Variants in TJAP1 observed in about 807,000 individuals in gnomAD.
TJAP1 encodes tight junction-associated protein 1.
TJAP1 carries 27 observed loss-of-function variants against 42.0 expected under a neutral mutation model. The ratio of observed to expected loss-of-function variants is 0.64; its 90% CI spans 0.47 to 0.89. TJAP1 has a LOEUF of 0.89. Among genes scored for constraint, TJAP1 ranks in the 40% least tolerant of loss-of-function variants. The pLI is 0.00. For missense variants in TJAP1, 712 were observed against 726.9 expected, an observed-to-expected ratio of 0.98 and a Z score of 0.24; for synonymous variants, 257 against 288.4, an observed-to-expected ratio of 0.89 and a Z score of 1.10.
In TJAP1 at chr6:43,491,003, T is replaced by C. The variant is rs1002206703; in HGVS notation, c.-121-6878T>C. Among the ~76,000 whole-genome samples the C allele has an allele frequency of 6.6e-6, 1 of 152,158 alleles. No individual in the cohort carries two copies. The highest frequency in any genetic ancestry group is 1.5e-5 in the Non-Finnish European group (1 of 68,024). ...GGTGTTCCACACAGGTCACTCTAGATAGACTGTGGCTTCGGCTTCCGGAGG... is the reference window on the plus strand; with the variant it reads ...GGTGTTCCACACAGGTCACTCTAGACAGACTGTGGCTTCGGCTTCCGGAGG... On this transcript the variant is annotated intron_variant, in intron 2 of 10. Coordinates refer to ENST00000372449, the Ensembl canonical transcript of TJAP1. This position sits in a 1 kb window ranked among gnomAD's most constrained non-coding sequence, Gnocchi z 4.6.
exon 11 of TJAP1, chr6:43,506,154 C>T: frequency 3.2e-6 from 1 of 311,124 alleles, no homozygotes; most frequent in Non-Finnish European, 5.9e-6. Context: ...CCAGACTGGG[C>T]TTTTCTGGGG....
chr6:43,489,986 C>G lies in TJAP1; in HGVS notation c.-121-7895C>G, dbSNP rs560676757. Among the ~76,000 whole-genome samples the G allele has an allele frequency of 5.3e-5, 8 of 152,350 alleles. No individual in the cohort carries two copies. In the East Asian group the frequency reaches 1.5e-3, roughly 29 times the overall value. ...TGCCATGAGTCTGTCGCTAACTGCA[C>G]TAACCAGGAGAGCTGGCTGGTTGGG... On this transcript the variant is annotated intron_variant, in intron 2 of 10. Transcript: ENST00000372449.
intron 6 of TJAP1, 71 bp downstream of exon 6, chr6:43,501,758 A>ACACTCTCT (rs1423256237): frequency 8.1e-6 from 4 of 493,640 alleles, no homozygotes; most frequent in Non-Finnish European, 1.4e-5. Context: ...ACACACACAC[A>ACACTCTCT]CTCTCTCTGT....
chr6:43,489,595 T>G lies in TJAP1; in HGVS notation c.-121-8286T>G, dbSNP rs141822240. 6.2e-3 allele frequency: 947 copies of G among 152,394 alleles called. 5 individuals carry two copies. The highest frequency in any genetic ancestry group is 0.011 in the Non-Finnish European group (726 of 68,158). The allele number at this position is 152,394 out of a possible 1,614,324, so 9.4% of individuals were successfully genotyped here. A position where few individuals can be genotyped will look rare whatever the true frequency, so the allele number is the denominator to read the frequency against. On this transcript the variant is annotated intron_variant, in intron 2 of 10. Transcript: ENST00000372449. Reference sequence around the variant, plus strand: ...TGTTCTTACAGCCTAGCTTTCAGAGTCCTGGTGCAGCCTGGCAGCAGTGTT... The same window carrying G: ...TGTTCTTACAGCCTAGCTTTCAGAGGCCTGGTGCAGCCTGGCAGCAGTGTT...
In TJAP1 at chr6:43,495,297, T is replaced by C. The variant is rs1427088421; in HGVS notation, c.-121-2584T>C. 6.6e-6 allele frequency among the ~76,000 whole-genome samples: 1 copy of C among 152,248 alleles called. No individual in the cohort carries two copies. The highest frequency in any genetic ancestry group is 2.4e-5 in the African/African-American group (1 of 41,472). ...GTCCTCCTTGGGTCTGTCCGGACTT[T>C]CCCTGCACACCTTCCTTGCCTCCAG... On this transcript the variant is annotated intron_variant, in intron 2 of 10. Coordinates refer to ENST00000372449, the Ensembl canonical transcript of TJAP1. This position sits in a 1 kb window ranked among gnomAD's most constrained non-coding sequence, Gnocchi z 4.6.
chr6:43,502,076 A>ACACACACTCTCT lies in TJAP1; in HGVS notation c.291-206_291-205insACACACTCTCTC, dbSNP rs767085594. Among the ~76,000 whole-genome samples the ACACACACTCTCT allele has an allele frequency of 1.3e-3, 90 of 68,956 alleles. 17 individuals are homozygous for ACACACACTCTCT. Among genetic ancestry groups the ACACACACTCTCT allele is most frequent in the African/African-American group, 6.3e-3 (82 of 13,116 alleles). 45.2% of individuals were successfully genotyped at this position (68,956 alleles called of 152,430 possible). ...CACACACACACACACACACACACAC[A>ACACACACTCTCT]CTCTCTCTCTCTCTCTCTCTCTCTC... is the stretch of plus-strand genomic sequence containing the variant. On this transcript the variant is annotated intron_variant, in intron 6 of 10. Transcript: ENST00000372449.
chr6:43,505,907 C>G lies in TJAP1; in HGVS notation c.*52C>G. 7.0e-7 allele frequency: 1 copy of G among 1,422,416 alleles called. No homozygotes were observed. Among genetic ancestry groups the G allele is most frequent in the Non-Finnish European group, 9.2e-7 (1 of 1,091,914 alleles). The allele number at this position is 1,422,416 out of a possible 1,614,324, so 88.1% of individuals were successfully genotyped here. The stretch of plus-strand genomic sequence containing the variant: ...CTGCACCAGGACTGCAAGGAGTCCC[C>G]ACACCTTGGCAGCTCAGGGTCCCCA... On this transcript the variant is annotated 3_prime_UTR_variant, in exon 11 of 11. Coordinates refer to ENST00000372449, the Ensembl canonical transcript of TJAP1. The surrounding 1 kb of genome is among the most constrained non-coding windows in gnomAD (Gnocchi z 5.5).
At chr6:43,501,046 TCCTG>T (rs1241248140) in intron 5 of TJAP1, 7 of 505,398 alleles carry the variant, frequency 1.4e-5, no homozygotes, top group Non-Finnish European at 7.1e-6. Flanking sequence ...CTTCCCCAGC[TCCTG>T]GCTCCTGTAC....
rs950848169 is a variant in TJAP1 at position 43,492,270 on chromosome 6, A to G, written c.-121-5611A>G. ...CTTTTTGGCTTTCAAAACCCTGTCA[A>G]TCTGTTTGGTTTAGAGTAGGCAGGG... On this transcript the variant is annotated intron_variant, in intron 2 of 10. Transcript: ENST00000372449. The surrounding 1 kb of genome is among the most constrained non-coding windows in gnomAD (Gnocchi z 4.2). 2.6e-5 allele frequency among the ~76,000 whole-genome samples: 4 copies of G among 152,166 alleles called. No homozygotes were observed. In the South Asian group the frequency reaches 6.2e-4, roughly 24 times the overall value.
In TJAP1 at chr6:43,505,379, C is replaced by G; in HGVS notation, c.1198C>G (p.Pro400Ala). The G allele has an allele frequency of 6.2e-7, 1 of 1,610,532 alleles. No individual in the cohort carries two copies. The highest frequency in any genetic ancestry group is 8.5e-7 in the Non-Finnish European group (1 of 1,179,786). The change falls in exon 11 of 11, where the codon CCA becomes GCA. Residue 400 changes from proline (P) to alanine (A), a missense_variant. Around this residue, in one of 3 missense-constraint regions of TJAP1, gnomAD observed 549 missense variants for 528.2 expected, o/e 1.04. Coordinates refer to ENST00000372449, the Ensembl canonical transcript of TJAP1. The surrounding 1 kb of genome is among the most constrained non-coding windows in gnomAD (Gnocchi z 5.5). The stretch of plus-strand genomic sequence containing the variant: ...CCCAGCACCCCTAACACTCAGTGCC[C>G]CAGCTAGCTCTGCCAGCTCTGAAGA...
rs1260431787 is a variant in TJAP1 at position 43,495,951 on chromosome 6, T to C, written c.-121-1930T>C. On this transcript the variant is annotated intron_variant, in intron 2 of 10. Transcript: ENST00000372449. This position sits in a 1 kb window ranked among gnomAD's most constrained non-coding sequence, Gnocchi z 4.6. Reference sequence around the variant, plus strand: ...TGTGTCCTCCCTGCCTGCCTGCCGTTCATGCAGGTGTTTCGGTACCAAGAG... The same window carrying C: ...TGTGTCCTCCCTGCCTGCCTGCCGTCCATGCAGGTGTTTCGGTACCAAGAG... Among the ~76,000 whole-genome samples, 5 of 152,202 alleles carry C rather than the reference T, an allele frequency of 3.3e-5. No homozygotes were observed. Among genetic ancestry groups the C allele is most frequent in the Non-Finnish European group, 5.9e-5 (4 of 67,994 alleles).
intron 2 of TJAP1, among the ~76,000 whole-genome samples, chr6:43,487,977 C>A (rs914502088): frequency 1.3e-5 from 2 of 151,118 alleles, no homozygotes; most frequent in African/African-American, 4.9e-5. Flanking sequence ...TCAAGCGATT[C>A]TCCTGCCTCA....
intron 8 of TJAP1, chr6:43,502,898 G>C (rs555425232): frequency 3.4e-5 from 19 of 555,946 alleles, no homozygotes; most frequent in East Asian, 9.4e-5. Flanking sequence ...CTGTGGGAGT[G>C]GGGAGGGGAG....
Position 43,502,271 on chromosome 6 carries a change from A to G in TJAP1, c.291-12A>G. The G allele has an allele frequency of 6.2e-7, 1 of 1,613,948 alleles. No homozygotes were observed. The highest frequency in any genetic ancestry group is 8.5e-7 in the Non-Finnish European group (1 of 1,179,974). ...TTGACCCAGGGATGTGCCTTGTATT[A>G]TCCCTTTTCAGGCTGCAGAACAGCT... is the stretch of plus-strand genomic sequence containing the variant. On this transcript the variant is annotated splice_polypyrimidine_tract_variant and intron_variant, in intron 6 of 10. Coordinates refer to ENST00000372449, the Ensembl canonical transcript of TJAP1.
intron 2 of TJAP1, among the ~76,000 whole-genome samples, chr6:43,493,687 G>A (rs993914975): frequency 6.6e-6 from 1 of 152,110 alleles, no homozygotes; most frequent in African/African-American, 2.4e-5. Context: ...GAAGTGGGAC[G>A]GCATCTTTGG....
chr6:43,489,375 C>G (rs369649603), intron 2 of TJAP1, among the ~76,000 whole-genome samples: 1 of 152,192 alleles, frequency 6.6e-6, no homozygotes, highest in East Asian at 1.9e-4. Flanking sequence ...GTGTGCAGCC[C>G]GTGCTGTTGA....
rs1382298758 is a variant in TJAP1 at position 43,503,686 on chromosome 6, C to T, written c.559C>T (p.Arg187Ter). 10 of 1,614,016 alleles carry T rather than the reference C, an allele frequency of 6.2e-6. No individual in the cohort carries two copies. The highest frequency in any genetic ancestry group is 1.1e-5 in the South Asian group (1 of 91,078). ...CCTCAAGTGCAACAAGTCCCACTTC[C>T]GAAACCACAAGTTTGCCGATGTGAG... is the stretch of plus-strand genomic sequence containing the variant. Residue 187 changes from arginine to a stop codon, truncating the protein, a stop_gained, in exon 10 of 11, where the codon CGA becomes TGA. Transcript: ENST00000372449. LOFTEE classifies it high-confidence loss of function.
rs151111500 is a variant in TJAP1 at position 43,498,585 on chromosome 6, T to C, written c.-24-393T>C. Among the ~76,000 whole-genome samples, 22 of 152,332 alleles carry C rather than the reference T, an allele frequency of 1.4e-4. 1 individual carries two copies. The highest frequency in any genetic ancestry group is 2.9e-5 in the Non-Finnish European group (2 of 68,030). On this transcript the variant is annotated intron_variant, in intron 3 of 10. Coordinates refer to ENST00000372449, the Ensembl canonical transcript of TJAP1. ...AGAAAAAAAGAAATTGATGCTGTTT[T>C]ATCGCTAATTTAGAGTTGAGAAAAC...
intron 2 of TJAP1, among the ~76,000 whole-genome samples, chr6:43,487,388 C>T (rs544980167): frequency 6.6e-6 from 1 of 152,278 alleles, no homozygotes; most frequent in Non-Finnish European, 1.5e-5. Flanking sequence ...AAGTAGGGAA[C>T]TGAATCTCAG....
Sources: gnomAD v4.1 joint callset for allele counts (sites outside exome capture counted in the v4.1 genomes callset) on GRCh38, gnomAD v4.1.1 for gene constraint, gnomAD v4.1.1 regional missense constraint, Gnocchi (gnomAD v3.1) non-coding constraint, MANE v1.5 for transcripts, NCBI Gene and HGNC (gene_info 2026-07-23, HGNC 2026-07-21) for gene names.